The following GTF2E2 variants were observed in gnomAD, a reference collection of about 807,000 sequenced individuals.
The protein encoded by GTF2E2 is transcription initiation factor IIE subunit beta.
A neutral mutation model predicts 40.5 loss-of-function variants in GTF2E2; 21 were observed. The observed-to-expected ratio is 0.52, with a 90% confidence interval of 0.37 to 0.75. GTF2E2 has a LOEUF of 0.75. Ranked by LOEUF, GTF2E2 falls within the 30% of genes least tolerant of loss-of-function variation. The pLI, the probability that GTF2E2 is intolerant of heterozygous loss-of-function variation, is 0.00. For synonymous variants in GTF2E2, 117 were observed against 121.6 expected, an observed-to-expected ratio of 0.96 and a Z score of 0.25; for missense variants, 298 against 338.4, an observed-to-expected ratio of 0.88 and a Z score of 0.94.
intron 1 of GTF2E2, among the ~76,000 whole-genome samples, chr8:30,656,027 T>C (rs1244122004): frequency 6.6e-6 from 1 of 152,100 alleles, no homozygotes; most frequent in African/African-American, 2.4e-5. Context: ...TTGGCCAAGC[T>C]GATCTTGAAC....
chr8:30,595,564 TCA>T (rs1289921502), intron 6 of GTF2E2, among the ~76,000 whole-genome samples: 3 of 152,206 alleles, frequency 2.0e-5, no homozygotes, highest in African/African-American at 7.2e-5. Context: ...ATGCAGTTGC[TCA>T]CACCCGTAAT....
chr8:30,655,195 T>TC (rs1802415196), intron 1 of GTF2E2, among the ~76,000 whole-genome samples: 1 of 112,400 alleles, frequency 8.9e-6, no homozygotes, highest in South Asian at 3.3e-4. Context: ...AAACTCTGTC[T>TC]CAAAAAAAAA....
intron 3 of GTF2E2, among the ~76,000 whole-genome samples, chr8:30,618,298 G>A (rs947527955): frequency 6.9e-6 from 1 of 145,802 alleles, no homozygotes; most frequent in African/African-American, 2.5e-5. Flanking sequence ...GGGCGGGGGG[G>A]AGTTACGCTT....
chr8:30,604,611 T>C (rs1490837993), intron 6 of GTF2E2, among the ~76,000 whole-genome samples: 1 of 152,238 alleles, frequency 6.6e-6, no homozygotes, highest in African/African-American at 2.4e-5. Context: ...TCAAATTATT[T>C]ACAGAACTTG....
chr8:30,608,448 T>C (rs1268158420), intron 5 of GTF2E2, among the ~76,000 whole-genome samples: 1 of 152,198 alleles, frequency 6.6e-6, no homozygotes, highest in Admixed American at 6.5e-5. Flanking sequence ...ATACAGAAGT[T>C]TGCTGTGTTA....
At chr8:30,637,213 T>C in intron 2 of GTF2E2, 1 of 449,216 alleles carries the variant, frequency 2.2e-6, no homozygotes. Context: ...GCACATTTAA[T>C]GCTTGTTTAA....
intron 1 of GTF2E2, among the ~76,000 whole-genome samples, chr8:30,655,950 A>G (rs1802436991): frequency 6.6e-6 from 1 of 152,074 alleles, no homozygotes; most frequent in Admixed American, 6.6e-5. Context: ...AGCTGGGACT[A>G]CAGGCGCGCA....
At chr8:30,642,586 C>T (rs1801884809) in intron 2 of GTF2E2, among the ~76,000 whole-genome samples, 1 of 152,170 alleles carries the variant, frequency 6.6e-6, no homozygotes, top group Non-Finnish European at 1.5e-5. Context: ...CGATGGATCC[C>T]CATCCACACC....
intron 3 of GTF2E2, among the ~76,000 whole-genome samples, chr8:30,634,265 C>T (rs1201500203): frequency 6.6e-6 from 1 of 152,054 alleles, no homozygotes; most frequent in Non-Finnish European, 1.5e-5. Flanking sequence ...CTGGACAACA[C>T]AGTGAGACTT....
chr8:30,583,785 A>ATTTATTTATTTAT (rs1308539730), intron 6 of GTF2E2, among the ~76,000 whole-genome samples: 90 of 151,996 alleles, frequency 5.9e-4, no homozygotes, highest in African/African-American at 2.1e-3. Flanking sequence ...ATCAGTATTT[A>ATTTATTTATTTAT]TTTATTTATT....
intron 6 of GTF2E2, among the ~76,000 whole-genome samples, chr8:30,596,371 A>ACAC (rs1400824949): frequency 6.6e-6 from 1 of 152,180 alleles, no homozygotes; most frequent in Admixed American, 6.5e-5. Context: ...TTCTTTGGCT[A>ACAC]CACCAAGTTT....
intron 2 of GTF2E2, among the ~76,000 whole-genome samples, chr8:30,647,438 C>T (rs1158034484): frequency 6.6e-6 from 1 of 151,954 alleles, no homozygotes; most frequent in South Asian, 2.1e-4. Context: ...AAAAAATTAG[C>T]CAGACATGGG....
chr8:30,635,635 A>G (rs1197572239), intron 2 of GTF2E2, among the ~76,000 whole-genome samples: 1 of 152,034 alleles, frequency 6.6e-6, no homozygotes, highest in Non-Finnish European at 1.5e-5. Flanking sequence ...CACCCATCTC[A>G]GCCTCCCAAA....
intron 5 of GTF2E2, among the ~76,000 whole-genome samples, chr8:30,607,905 T>C (rs1829368483): frequency 6.6e-6 from 1 of 152,196 alleles, no homozygotes; most frequent in Non-Finnish European, 1.5e-5. Context: ...TTAAATCACC[T>C]AGAAATGTGA....
chr8:30,583,641 A>T (rs990856593), intron 6 of GTF2E2, among the ~76,000 whole-genome samples: 1 of 152,092 alleles, frequency 6.6e-6, no homozygotes, highest in Non-Finnish European at 1.5e-5. Context: ...TGGCCTCCCA[A>T]AGTACTGGGA....
intron 6 of GTF2E2, among the ~76,000 whole-genome samples, chr8:30,593,968 T>C (rs1004643622): frequency 5.3e-5 from 8 of 152,194 alleles, no homozygotes; most frequent in African/African-American, 1.9e-4. Context: ...TCTTGCTCTG[T>C]CACCCAGGCT....
At chr8:30,620,262 A>G (rs1040199780) in intron 3 of GTF2E2, among the ~76,000 whole-genome samples, 8 of 151,818 alleles carry the variant, frequency 5.3e-5, no homozygotes, top group Non-Finnish European at 1.0e-4. Flanking sequence ...ACACACAAAC[A>G]CACACACACA....
At chr8:30,612,996 CT>C (rs895506354) in intron 4 of GTF2E2, among the ~76,000 whole-genome samples, 1 of 152,198 alleles carries the variant, frequency 6.6e-6, no homozygotes, top group African/African-American at 2.4e-5. Context: ...ACGGTGCTCA[CT>C]TTTTATAAAA....
rs1202617541 is a variant in GTF2E2 at position 30,627,469 on chromosome 8, A to C, written c.258+7563T>G. Among the ~76,000 whole-genome samples the C allele has an allele frequency of 3.4e-5, 5 of 148,800 alleles. No individual in the cohort carries two copies. In the East Asian group the frequency reaches 5.8e-4, roughly 17 times the overall value. The stretch of plus-strand genomic sequence containing the variant: ...CTTGCAAAAAAAAAAAAAAAAAAAA[A>C]AACTCAGGACATCGCTTTTTTCAGA... On this transcript the variant is annotated intron_variant, in intron 3 of 7. Coordinates refer to ENST00000355904, the MANE Select transcript of GTF2E2 (RefSeq NM_002095.6).
Sources: gnomAD v4.1 joint callset for allele counts (sites outside exome capture counted in the v4.1 genomes callset) on GRCh38, gnomAD v4.1.1 for gene constraint, MANE v1.5 for transcripts, NCBI Gene and HGNC (gene_info 2026-07-23, HGNC 2026-07-21) for gene names.